The following RSPO2 variants were observed in gnomAD, a reference collection of about 807,000 sequenced individuals.
RSPO2 encodes the protein R-spondin 2, also known as R-spondin-2.
A neutral mutation model predicts 30.9 loss-of-function variants in RSPO2; 14 were observed. That is an observed-to-expected ratio of 0.45 (90% CI 0.30 to 0.71). The LOEUF is 0.71. Among genes scored for constraint, RSPO2 ranks in the 30% least tolerant of loss-of-function variants. RSPO2 has a pLI of 0.08. For synonymous variants in RSPO2, 107 were observed against 96.4 expected (o/e 1.11, Z -0.64); for missense variants, 264 against 301.9 (o/e 0.87, Z 0.93).
At chr8:108,024,489 C>T (rs1208160679) in intron 2 of RSPO2, among the ~76,000 whole-genome samples, 1 of 149,276 alleles carries the variant, frequency 6.7e-6, no homozygotes, top group Non-Finnish European at 1.5e-5. Context: ...CCTTTGATAG[C>T]AGAACAAAAG....
At chr8:107,993,567 G>T (rs1250917826) in intron 2 of RSPO2, among the ~76,000 whole-genome samples, 1 of 152,126 alleles carries the variant, frequency 6.6e-6, no homozygotes, top group Non-Finnish European at 1.5e-5. Flanking sequence ...TGCCTTTGAG[G>T]ATTGAGGACT....
chr8:108,056,623 C>CAA (rs56256415), intron 2 of RSPO2, among the ~76,000 whole-genome samples: 4,183 of 71,596 alleles, frequency 0.058, 194 homozygotes, highest in Non-Finnish European at 0.083. Flanking sequence ...AGACCCGTCT[C>CAA]AAAAAAAAAA....
chr8:107,967,504 C>T (rs1301981853), intron 3 of RSPO2, among the ~76,000 whole-genome samples: 6 of 151,986 alleles, frequency 3.9e-5, no homozygotes, highest in Non-Finnish European at 8.8e-5. Context: ...TAACACACAG[C>T]TCATTAGAAC....
At chr8:107,934,802 T>C (rs1812662579) in intron 5 of RSPO2, among the ~76,000 whole-genome samples, 1 of 152,212 alleles carries the variant, frequency 6.6e-6, no homozygotes, top group African/African-American at 2.4e-5. Flanking sequence ...CTTATGCCTG[T>C]CTTTACTGCA....
intron 2 of RSPO2, among the ~76,000 whole-genome samples, chr8:108,052,802 G>C (rs936750638): frequency 2.0e-5 from 3 of 152,188 alleles, no homozygotes; most frequent in African/African-American, 4.8e-5. Flanking sequence ...CAACAATTAA[G>C]AGATGGAAGA....
chr8:107,964,321 C>T (rs369866812), intron 3 of RSPO2, among the ~76,000 whole-genome samples: 4 of 152,218 alleles, frequency 2.6e-5, no homozygotes, highest in African/African-American at 7.2e-5. Flanking sequence ...CGGCTCACTG[C>T]GACCTCTGCC....
intron 3 of RSPO2, among the ~76,000 whole-genome samples, chr8:107,961,169 G>A (rs1211173545): frequency 6.6e-6 from 1 of 152,112 alleles, no homozygotes; most frequent in Non-Finnish European, 1.5e-5. Flanking sequence ...AATCTGTCCT[G>A]CCCTCAAAAG....
chr8:108,008,208 AT>A (rs1390877401), intron 2 of RSPO2, among the ~76,000 whole-genome samples: 1 of 152,110 alleles, frequency 6.6e-6, no homozygotes, highest in Non-Finnish European at 1.5e-5. Context: ...ATCTGCACCA[AT>A]TTTTTCCCTC....
intron 3 of RSPO2, among the ~76,000 whole-genome samples, chr8:107,968,395 A>C (rs1358276414): frequency 6.6e-6 from 1 of 152,124 alleles, no homozygotes; most frequent in Non-Finnish European, 1.5e-5. Context: ...GAGCTAAAAA[A>C]GTAGATCTCA....
At chr8:108,076,803 C>A (rs1813028383) in intron 2 of RSPO2, among the ~76,000 whole-genome samples, 1 of 152,076 alleles carries the variant, frequency 6.6e-6, no homozygotes, top group Non-Finnish European at 1.5e-5. Flanking sequence ...AATTAAAGGA[C>A]TTTATGTAGA....
intron 2 of RSPO2, among the ~76,000 whole-genome samples, chr8:108,003,051 ATTT>A (rs35346404): frequency 3.7e-5 from 5 of 136,342 alleles, no homozygotes; most frequent in Admixed American, 7.4e-5. Context: ...GACCTCAATA[ATTT>A]TTTTTTTTTT....
intron 2 of RSPO2, among the ~76,000 whole-genome samples, chr8:108,081,170 T>C (rs556708020): frequency 6.6e-6 from 1 of 152,074 alleles, no homozygotes; most frequent in East Asian, 1.9e-4. Flanking sequence ...ACAGAGACAA[T>C]TGAAGCGCAG....
intron 5 of RSPO2, among the ~76,000 whole-genome samples, chr8:107,901,965 C>CTGTT (rs1335740864): frequency 2.0e-5 from 3 of 152,164 alleles, no homozygotes; most frequent in African/African-American, 7.2e-5. Context: ...TTTTTAAATG[C>CTGTT]TGTTTTTTTC....
intron 2 of RSPO2, among the ~76,000 whole-genome samples, chr8:108,068,350 A>C (rs1430297509): frequency 3.9e-5 from 6 of 152,128 alleles, no homozygotes; most frequent in Non-Finnish European, 8.8e-5. Flanking sequence ...GGTGCCATTA[A>C]TATTCTTGCT....
chr8:108,045,540 C>A (rs1221256627), intron 2 of RSPO2, among the ~76,000 whole-genome samples: 1 of 152,064 alleles, frequency 6.6e-6, no homozygotes. Context: ...GTTCCTTTCT[C>A]TGTTTATTAT....
intron 3 of RSPO2, among the ~76,000 whole-genome samples, chr8:107,962,811 A>G (rs1022327495): frequency 3.3e-5 from 5 of 152,206 alleles, no homozygotes; most frequent in Non-Finnish European, 5.9e-5. Context: ...TCTTCTACTT[A>G]AAGAGAAAAA....
intron 3 of RSPO2, among the ~76,000 whole-genome samples, chr8:107,982,159 A>C (rs1165897612): frequency 6.6e-6 from 1 of 152,212 alleles, no homozygotes; most frequent in Non-Finnish European, 1.5e-5. Context: ...AAAATGTAGC[A>C]AATTCATGGA....
chr8:107,936,540 C>T (rs1812727792), intron 5 of RSPO2, among the ~76,000 whole-genome samples: 1 of 152,090 alleles, frequency 6.6e-6, no homozygotes, highest in African/African-American at 2.4e-5. Context: ...CTCTCCATAC[C>T]GTTTTCTATA....
At chr8:107,956,021 T>C (rs144693320) in intron 5 of RSPO2, among the ~76,000 whole-genome samples, 2 of 152,322 alleles carry the variant, frequency 1.3e-5, no homozygotes, top group African/African-American at 2.4e-5. Context: ...CCATGACCTA[T>C]TGAAGAAAGG....
Sources: gnomAD v4.1 joint callset for allele counts (sites outside exome capture counted in the v4.1 genomes callset) on GRCh38, gnomAD v4.1.1 for gene constraint, MANE v1.5 for transcripts, NCBI Gene and HGNC (gene_info 2026-07-23, HGNC 2026-07-21) for gene names.